DAPK2: variants seen among roughly 807,000 people sequenced by gnomAD.
DAPK2 encodes death associated protein kinase 2.
A neutral mutation model predicts 44.1 loss-of-function variants in DAPK2; 35 were observed. The observed-to-expected ratio is 0.79, with a 90% CI of 0.61 to 1.05. The LOEUF (loss-of-function observed/expected upper bound fraction) is 1.05, where lower values mean the gene tolerates loss of function less well. DAPK2 is among the 50% of genes least tolerant of loss of function. The pLI is 0.00. For missense variants in DAPK2, 453 were observed against 483.2 expected (o/e 0.94, Z 0.59); for synonymous variants, 174 against 182.6 (o/e 0.95, Z 0.38).
chr15:63,983,427 C>T (rs2078582106), intron 2 of DAPK2, 106 bp downstream of exon 3: 2 of 1,011,438 alleles, frequency 2.0e-6, no homozygotes, highest in Admixed American at 2.0e-5. Context: ...CTGGGCTGAG[C>T]TTAGGCCTGG....
intron 1 of DAPK2, among the ~76,000 whole-genome samples, chr15:64,035,804 T>A (rs2080164069): frequency 6.6e-6 from 1 of 152,200 alleles, no homozygotes. Context: ...CACAGCCAAC[T>A]GCCTGCACTC....
intron 1 of DAPK2, among the ~76,000 whole-genome samples, chr15:63,994,130 A>C: frequency 6.6e-6 from 1 of 152,160 alleles, no homozygotes. Context: ...CTGGGCATTC[A>C]TCTTGGCACT....
At chr15:64,011,037 C>A (rs965505652) in intron 1 of DAPK2, among the ~76,000 whole-genome samples, 4 of 152,028 alleles carry the variant, frequency 2.6e-5, no homozygotes, top group Non-Finnish European at 5.9e-5. Flanking sequence ...GGCAGAGGGC[C>A]CCACTCATGG....
At chr15:63,997,551 G>T (rs58017085) in intron 1 of DAPK2, among the ~76,000 whole-genome samples, 3 of 152,050 alleles carry the variant, frequency 2.0e-5, no homozygotes, top group Non-Finnish European at 2.9e-5. Context: ...GTCTGGTCTC[G>T]AACTCCTGAC....
At chr15:64,001,689 G>A (rs549473341) in intron 1 of DAPK2, among the ~76,000 whole-genome samples, 2 of 152,204 alleles carry the variant, frequency 1.3e-5, no homozygotes, top group South Asian at 4.2e-4. Flanking sequence ...TTGTACCAGC[G>A]GCATTGACTC....
intron 1 of DAPK2, among the ~76,000 whole-genome samples, chr15:64,022,477 A>T (rs1486252542): frequency 6.6e-6 from 1 of 152,198 alleles, no homozygotes; most frequent in African/African-American, 2.4e-5. Flanking sequence ...CATGGTGACT[A>T]CTTCCGTAAA....
intron 1 of DAPK2, among the ~76,000 whole-genome samples, chr15:64,029,041 C>T (rs192645525): frequency 6.6e-6 from 1 of 152,136 alleles, no homozygotes; most frequent in African/African-American, 2.4e-5. Context: ...CAATCCAACA[C>T]AAAATGTACA....
intron 1 of DAPK2, among the ~76,000 whole-genome samples, chr15:63,988,565 C>T (rs993989929): frequency 2.9e-4 from 43 of 149,324 alleles, no homozygotes; most frequent in Admixed American, 2.1e-3. Flanking sequence ...AGTACGGTGG[C>T]GCAATCTCGG....
At chr15:63,937,047 A>C (rs2077179080) in intron 4 of DAPK2, among the ~76,000 whole-genome samples, 1 of 151,620 alleles carries the variant, frequency 6.6e-6, no homozygotes, top group African/African-American at 2.4e-5. Context: ...AATCCACCCT[A>C]GTACTAAAAG....
chr15:64,045,509 C>A (rs1567295301), intron 1 of DAPK2, among the ~76,000 whole-genome samples: 1 of 152,190 alleles, frequency 6.6e-6, no homozygotes, highest in Non-Finnish European at 1.5e-5. Context: ...TGCCCGCTTG[C>A]CCCCGAGGCA....
Position 63,917,089 on chromosome 15 carries a change from G to A in DAPK2, c.859-4892C>T, listed in dbSNP as rs909743034. On this transcript the variant is annotated intron_variant, in intron 8 of 10. Coordinates refer to ENST00000261891, the Ensembl canonical transcript of DAPK2. This position sits in a 1 kb window ranked among gnomAD's most constrained non-coding sequence, Gnocchi z 4.4. ...ATTAAAAAGAAAGTCCTGGCTGGGT[G>A]CGGTGGCTCATGCCTGTAATCTCAG... 2.6e-5 allele frequency: 4 copies of A among 152,284 alleles called. No individual in the cohort carries two copies. Among genetic ancestry groups the A allele is most frequent in the African/African-American group, 7.2e-5 (3 of 41,458 alleles). The allele number at this position is 152,284 out of a possible 1,614,324, so 9.4% of individuals were successfully genotyped here.
intron 1 of DAPK2, chr15:64,029,970 C>G (rs1371680412): frequency 6.6e-6 from 1 of 152,614 alleles, no homozygotes; most frequent in African/African-American, 2.4e-5. Flanking sequence ...GTGTAGGGAG[C>G]CCCTCTCTGA....
chr15:63,964,102 A>G (rs999108828), intron 3 of DAPK2, among the ~76,000 whole-genome samples: 7 of 152,248 alleles, frequency 4.6e-5, no homozygotes, highest in African/African-American at 1.7e-4. Context: ...TTTAGATTGA[A>G]GAATTCCCTT....
chr15:63,989,775 T>C (rs1454884522), intron 1 of DAPK2, among the ~76,000 whole-genome samples: 1 of 152,066 alleles, frequency 6.6e-6, no homozygotes, highest in Non-Finnish European at 1.5e-5. Context: ...CACTGCAACC[T>C]CCACCTCCTG....
intron 1 of DAPK2, among the ~76,000 whole-genome samples, chr15:63,999,251 C>CTTG (rs1192316469): frequency 5.3e-5 from 8 of 152,168 alleles, no homozygotes; most frequent in Non-Finnish European, 1.0e-4. Context: ...AATGATCTGA[C>CTTG]CAAGCTGGGG....
chr15:64,019,908 T>G (rs893995993), intron 1 of DAPK2, among the ~76,000 whole-genome samples: 2 of 152,212 alleles, frequency 1.3e-5, no homozygotes, highest in African/African-American at 4.8e-5. Context: ...TCTGAGTGAG[T>G]TGACATAGTC....
intron 1 of DAPK2, among the ~76,000 whole-genome samples, chr15:64,032,440 G>C (rs924014910): frequency 6.6e-6 from 1 of 152,202 alleles, no homozygotes; most frequent in African/African-American, 2.4e-5. Flanking sequence ...TAGGAGAACA[G>C]CTCTGAACCT....
chr15:63,955,938 G>C (rs2077710481), intron 3 of DAPK2, among the ~76,000 whole-genome samples: 1 of 152,156 alleles, frequency 6.6e-6, no homozygotes, highest in African/African-American at 2.4e-5. Flanking sequence ...GCTTTTCTTT[G>C]CCAGAAAACT....
At chr15:64,016,898 AGGAC>A (rs1264094004) in intron 1 of DAPK2, among the ~76,000 whole-genome samples, 9 of 135,706 alleles carry the variant, frequency 6.6e-5, no homozygotes, top group African/African-American at 1.6e-4. Context: ...GAAGGAAGGA[AGGAC>A]GGACATGTAA....
Sources: allele counts gnomAD v4.1 joint callset (sites outside exome capture counted in the v4.1 genomes callset), GRCh38; gene constraint gnomAD v4.1.1; non-coding constraint Gnocchi (gnomAD v3.1); transcripts MANE v1.5; gene names NCBI Gene and HGNC (gene_info 2026-07-23, HGNC 2026-07-21).